Variants in SCARA5 observed in about 807,000 individuals in gnomAD.
SCARA5 encodes scavenger receptor class A member 5.
Under a neutral mutation model 46.3 loss-of-function variants are expected in SCARA5, and 45 were observed. That is an observed-to-expected ratio of 0.97 (90% CI 0.76 to 1.24). The LOEUF (loss-of-function observed/expected upper bound fraction) is 1.24. Among genes scored for constraint, SCARA5 ranks in the 50% most tolerant of loss-of-function variants. The pLI is 0.00. For missense variants in SCARA5, 680 were observed against 689.0 expected (o/e 0.99, Z 0.15); for synonymous variants, 333 against 306.5 (o/e 1.09, Z -0.90).
intron 3 of SCARA5, among the ~76,000 whole-genome samples, chr8:27,957,042 T>C (rs1808217810): frequency 6.6e-6 from 1 of 152,102 alleles, no homozygotes; most frequent in African/African-American, 2.4e-5. Context: ...CAGAAGATAG[T>C]TCCAGAAAGC....
intron 1 of SCARA5, among the ~76,000 whole-genome samples, 160 bp from the exon 2 acceptor site, chr8:27,987,790 G>T (rs959989957): frequency 6.6e-6 from 1 of 152,168 alleles, no homozygotes; most frequent in African/African-American, 2.4e-5. Flanking sequence ...CAGGACCCAG[G>T]TGCCATCCTC....
intron 2 of SCARA5, among the ~76,000 whole-genome samples, chr8:27,986,833 G>T (rs147810146): frequency 6.6e-6 from 1 of 152,190 alleles, no homozygotes; most frequent in Non-Finnish European, 1.5e-5. Context: ...TCTCTTTGAC[G>T]TGGGGGCAAT....
At position 27,939,700 on chromosome 8, in the gene SCARA5, T is replaced by G. The variant is rs997771777; in HGVS notation, c.242-17455A>C. ...TGGATGGAAGAAGAAAGGAAGCTAA[T>G]ATTCGTGGGAGTCTACTCAGTGCCA... is the stretch of plus-strand genomic sequence containing the variant. On this transcript the variant is annotated intron_variant, in intron 3 of 8. Coordinates refer to ENST00000354914, the MANE Select transcript of SCARA5 (RefSeq NM_173833.6). 2.0e-5 allele frequency among the ~76,000 whole-genome samples: 3 copies of G among 152,164 alleles called. No homozygotes were observed. In the East Asian group the frequency reaches 5.8e-4, roughly 29 times the overall value.
chr8:27,931,374 A>C (rs570161443), intron 3 of SCARA5, among the ~76,000 whole-genome samples: 1 of 152,062 alleles, frequency 6.6e-6, no homozygotes, highest in African/African-American at 2.4e-5. Context: ...GGGGATGTGG[A>C]CCCCTGGCTT....
chr8:27,896,205 C>T (rs1438428702), intron 7 of SCARA5, among the ~76,000 whole-genome samples: 1 of 152,186 alleles, frequency 6.6e-6, no homozygotes, highest in African/African-American at 2.4e-5. Context: ...ATCAGGCCTG[C>T]AGCCCTCCTT....
At chr8:27,880,214 A>C (rs1806789530) in intron 7 of SCARA5, among the ~76,000 whole-genome samples, 1 of 152,240 alleles carries the variant, frequency 6.6e-6, no homozygotes, top group Non-Finnish European at 1.5e-5. Flanking sequence ...GATGGATTAA[A>C]GATTTAAATT....
At chr8:27,946,570 A>ACGCAG (rs1227420723) in intron 3 of SCARA5, among the ~76,000 whole-genome samples, 2 of 152,222 alleles carry the variant, frequency 1.3e-5, no homozygotes, top group Non-Finnish European at 2.9e-5. Flanking sequence ...TGTTTAAGCC[A>ACGCAG]TGCAGGCTGC....
At position 27,884,134 on chromosome 8, in the gene SCARA5, G is replaced by A. The variant is rs1806855034; in HGVS notation, c.1154-4368C>T. On this transcript the variant is annotated intron_variant, in intron 7 of 8. Transcript: ENST00000354914. ...GGAATGATGCTAAAGACTACAGCGA[G>A]AGCACCAGGGATGCCTCCTCTCGAT... Among the ~76,000 whole-genome samples, 3 of 152,170 alleles carry A rather than the reference G, an allele frequency of 2.0e-5. No individual in the cohort carries two copies. In the South Asian group the frequency reaches 6.2e-4, roughly 32 times the overall value.
In SCARA5 at chr8:27,971,656, T is replaced by G. The variant is rs540518769; in HGVS notation, c.113-5114A>C. Among the ~76,000 whole-genome samples the G allele has an allele frequency of 2.6e-5, 4 of 152,126 alleles. No homozygotes were observed. In the South Asian group the frequency reaches 8.3e-4, roughly 32 times the overall value. ...TCCATTTTGCAGTGGCCTCCAGAAG[T>G]GAGGGTGGCATCTGGAAGGTCAGGA... On this transcript the variant is annotated intron_variant, in intron 2 of 8. Transcript: ENST00000354914.
At chr8:27,898,027 C>G (rs549463417) in intron 7 of SCARA5, among the ~76,000 whole-genome samples, 1 of 152,346 alleles carries the variant, frequency 6.6e-6, no homozygotes, top group East Asian at 1.9e-4. Context: ...TGGTCTCTCT[C>G]CCTCTGGCCA....
rs536697692 is a variant in SCARA5 at position 27,893,460 on chromosome 8, A to G, written c.1153+11318T>C. Among the ~76,000 whole-genome samples, 5 of 152,184 alleles carry G rather than the reference A, an allele frequency of 3.3e-5. No homozygotes were observed. In the South Asian group the frequency reaches 1.0e-3, roughly 32 times the overall value. ...TTTGCTCTCTTTGTTTTGTAAATAT[A>G]TATGTCAGACAAGCAAGGTCCCAGG... On this transcript the variant is annotated intron_variant, in intron 7 of 8. Transcript: ENST00000354914.
At chr8:27,914,222 G>A (rs1462612455) in intron 4 of SCARA5, among the ~76,000 whole-genome samples, 1 of 152,134 alleles carries the variant, frequency 6.6e-6, no homozygotes, top group Non-Finnish European at 1.5e-5. Flanking sequence ...TGATTGTGAG[G>A]CCTCCTCAGC....
chr8:27,967,732 G>A (rs1808391332), intron 2 of SCARA5, among the ~76,000 whole-genome samples: 1 of 152,126 alleles, frequency 6.6e-6, no homozygotes, highest in Non-Finnish European at 1.5e-5. Context: ...GGCCAATATG[G>A]TGAAACCCTG....
At chr8:27,904,566 A>T in intron 7 of SCARA5, 1 of 631,542 alleles carries the variant, frequency 1.6e-6, no homozygotes, top group South Asian at 2.0e-5. Flanking sequence ...CGCCAGGTTT[A>T]TGACACCTCT....
At chr8:27,961,332 C>T (rs190029740) in intron 3 of SCARA5, among the ~76,000 whole-genome samples, 4 of 152,178 alleles carry the variant, frequency 2.6e-5, no homozygotes, top group African/African-American at 7.2e-5. Context: ...TGTTTAAAGA[C>T]GGTGGACCTC....
intron 3 of SCARA5, among the ~76,000 whole-genome samples, chr8:27,958,667 C>G (rs1225289284): frequency 6.6e-6 from 1 of 152,198 alleles, no homozygotes; most frequent in Non-Finnish European, 1.5e-5. Flanking sequence ...AGTCCAGAGC[C>G]AAACAGATCC....
intron 7 of SCARA5, among the ~76,000 whole-genome samples, chr8:27,885,523 G>T (rs1806881175): frequency 6.6e-6 from 1 of 152,206 alleles, no homozygotes; most frequent in Non-Finnish European, 1.5e-5. Flanking sequence ...CAAAGGGAAG[G>T]CATGCATGAA....
Position 27,876,076 on chromosome 8 carries a change from C to T in SCARA5, c.1351+3493G>A, listed in dbSNP as rs556372002. 8.5e-5 allele frequency among the ~76,000 whole-genome samples: 13 copies of T among 152,228 alleles called. No individual in the cohort carries two copies. In the East Asian group the frequency reaches 1.9e-3, roughly 23 times the overall value. On this transcript the variant is annotated intron_variant, in intron 8 of 8. Coordinates refer to ENST00000354914, the MANE Select transcript of SCARA5 (RefSeq NM_173833.6). ...GGAGCTAGCCTGCAGGTGTGGTGGC[C>T]GTGAGGAGTGACTCCTGGAGGATTA...
chr8:27,923,819 C>A (rs1473072173), intron 3 of SCARA5, among the ~76,000 whole-genome samples: 2 of 152,172 alleles, frequency 1.3e-5, no homozygotes, highest in Non-Finnish European at 2.9e-5. Context: ...ATGATCTGCC[C>A]GCCTTGGCCT....
Sources: gnomAD v4.1 joint callset for allele counts (sites outside exome capture counted in the v4.1 genomes callset) on GRCh38, gnomAD v4.1.1 for gene constraint, MANE v1.5 for transcripts, NCBI Gene and HGNC (gene_info 2026-07-23, HGNC 2026-07-21) for gene names.